PDE7B: variants seen among roughly 807,000 people sequenced by gnomAD.
PDE7B encodes the protein 3',5'-cyclic-AMP phosphodiesterase 7B.
Under a neutral mutation model 56.2 loss-of-function variants are expected in PDE7B, and 29 were observed. The ratio of observed to expected loss-of-function variants is 0.52; its 90% CI spans 0.38 to 0.70. PDE7B has a LOEUF of 0.70. PDE7B is among the 30% of genes least tolerant of loss of function. The pLI, the probability that PDE7B is intolerant of heterozygous loss-of-function variation, is 0.00. For missense variants in PDE7B, 490 were observed against 565.0 expected (o/e 0.87, Z 1.35); for synonymous variants, 197 against 196.9 (o/e 1.00, Z 0.00).
At chr6:136,096,700 G>A (rs987365973) in intron 2 of PDE7B, among the ~76,000 whole-genome samples, 1 of 151,886 alleles carries the variant, frequency 6.6e-6, no homozygotes, top group Non-Finnish European at 1.5e-5. Flanking sequence ...AATTTTCTAA[G>A]AATGTCATTT....
intron 1 of PDE7B, among the ~76,000 whole-genome samples, chr6:135,910,783 T>G (rs1776198622): frequency 6.6e-6 from 1 of 151,938 alleles, no homozygotes; most frequent in South Asian, 2.1e-4. Flanking sequence ...CACCACCCCC[T>G]GCCCCCGCAT....
intron 8 of PDE7B, among the ~76,000 whole-genome samples, chr6:136,160,145 A>G (rs955733048): frequency 1.3e-5 from 2 of 152,188 alleles, no homozygotes; most frequent in Non-Finnish European, 1.5e-5. Flanking sequence ...TTTAAGATGA[A>G]GATTACTCTT....
chr6:135,890,293 CTGAT>C (rs1047918614), intron 1 of PDE7B, among the ~76,000 whole-genome samples: 2 of 152,204 alleles, frequency 1.3e-5, no homozygotes, highest in Admixed American at 1.3e-4. Flanking sequence ...TCTTTACTCT[CTGAT>C]TGTTTTAACA....
At chr6:135,995,605 G>A (rs1367574620) in intron 2 of PDE7B, among the ~76,000 whole-genome samples, 6 of 152,118 alleles carry the variant, frequency 3.9e-5, no homozygotes, top group Non-Finnish European at 8.8e-5. Context: ...CCGTTGTGGT[G>A]AAGTTCTTAA....
chr6:135,886,671 C>A (rs1293676027), intron 1 of PDE7B, among the ~76,000 whole-genome samples: 1 of 152,120 alleles, frequency 6.6e-6, no homozygotes, highest in Non-Finnish European at 1.5e-5. Context: ...GCCTCCAGTT[C>A]CATCCAAGTT....
intron 2 of PDE7B, among the ~76,000 whole-genome samples, chr6:135,991,192 C>G (rs1775473242): frequency 6.6e-6 from 1 of 152,094 alleles, no homozygotes; most frequent in South Asian, 2.1e-4. Context: ...GGTTTTTGAC[C>G]TGTATCTCGT....
intron 1 of PDE7B, among the ~76,000 whole-genome samples, chr6:135,861,329 C>A (rs1294877137): frequency 6.6e-6 from 1 of 151,660 alleles, no homozygotes; most frequent in Non-Finnish European, 1.5e-5. Flanking sequence ...ATAATTTACG[C>A]CCCCACCAAC....
intron 8 of PDE7B, among the ~76,000 whole-genome samples, chr6:136,163,974 C>T (rs1778752144): frequency 1.3e-5 from 2 of 152,342 alleles, no homozygotes; most frequent in Admixed American, 6.5e-5. Flanking sequence ...TTCTTCTGAG[C>T]CCTCCAAACT....
chr6:135,929,167 T>C (rs1199635078), intron 1 of PDE7B, among the ~76,000 whole-genome samples: 1 of 152,234 alleles, frequency 6.6e-6, no homozygotes, highest in African/African-American at 2.4e-5. Context: ...ATTGTTTTTG[T>C]TCAATACATG....
chr6:135,876,791 G>A (rs1253468184), intron 1 of PDE7B, among the ~76,000 whole-genome samples: 4 of 152,062 alleles, frequency 2.6e-5, no homozygotes, highest in South Asian at 2.1e-4. Context: ...CCTGGGAGGC[G>A]GAGGTTGCAG....
intron 2 of PDE7B, among the ~76,000 whole-genome samples, chr6:135,985,268 G>A (rs867653194): frequency 1.1e-4 from 16 of 152,262 alleles, no homozygotes; most frequent in African/African-American, 3.6e-4. Context: ...CTGTCCTGTA[G>A]TGCCATCTGC....
intron 8 of PDE7B, among the ~76,000 whole-genome samples, chr6:136,164,878 T>G (rs930242526): frequency 6.6e-6 from 1 of 152,156 alleles, no homozygotes; most frequent in African/African-American, 2.4e-5. Context: ...CAATGGGTGC[T>G]GAATGGGCAT....
intron 2 of PDE7B, among the ~76,000 whole-genome samples, chr6:136,091,346 A>G (rs1777381881): frequency 6.6e-6 from 1 of 152,236 alleles, no homozygotes; most frequent in Admixed American, 6.5e-5. Flanking sequence ...TTTCAAATAT[A>G]ATGAAAAAAA....
At chr6:135,873,746 G>C (rs1775435617) in intron 1 of PDE7B, among the ~76,000 whole-genome samples, 1 of 152,010 alleles carries the variant, frequency 6.6e-6, no homozygotes, top group Non-Finnish European at 1.5e-5. Flanking sequence ...TATATTCACA[G>C]ACATAGACAA....
intron 2 of PDE7B, among the ~76,000 whole-genome samples, chr6:135,977,533 A>G (rs1441318900): frequency 6.6e-6 from 1 of 152,168 alleles, no homozygotes; most frequent in Non-Finnish European, 1.5e-5. Flanking sequence ...GTCACCAAAG[A>G]GAAAGTACAA....
intron 2 of PDE7B, chr6:135,991,888 C>T (rs963235530): frequency 2.0e-5 from 3 of 152,250 alleles, no homozygotes; most frequent in South Asian, 2.1e-4. Context: ...AGATTATTTT[C>T]CTGTAGGTAC....
At chr6:136,050,393 T>C (rs1474773334) in intron 2 of PDE7B, among the ~76,000 whole-genome samples, 1 of 145,194 alleles carries the variant, frequency 6.9e-6, no homozygotes, top group African/African-American at 2.6e-5. Context: ...ACTAAAGAGA[T>C]AGACGTTCAC....
chr6:136,149,498 G>A (rs1403497237), intron 5 of PDE7B, among the ~76,000 whole-genome samples: 3 of 152,194 alleles, frequency 2.0e-5, no homozygotes, highest in Non-Finnish European at 4.4e-5. Context: ...AAGCACATCT[G>A]ATCAGCCCTG....
At chr6:135,879,562 A>C (rs943123002) in intron 1 of PDE7B, among the ~76,000 whole-genome samples, 1 of 152,206 alleles carries the variant, frequency 6.6e-6, no homozygotes, top group African/African-American at 2.4e-5. Context: ...ACTTTTAAAA[A>C]TATTTAACCA....
Sources: gnomAD v4.1 joint callset for allele counts (sites outside exome capture counted in the v4.1 genomes callset) on GRCh38, gnomAD v4.1.1 for gene constraint, MANE v1.5 for transcripts, NCBI Gene and HGNC (gene_info 2026-07-23, HGNC 2026-07-21) for gene names.